The following HORMAD1 variants were observed in gnomAD, a reference collection of about 807,000 sequenced individuals.
The protein encoded by HORMAD1 is HORMA domain-containing protein 1.
Under a neutral mutation model 58.2 loss-of-function variants are expected in HORMAD1, and 33 were observed. That is an observed-to-expected ratio of 0.57 (90% CI 0.43 to 0.76). The LOEUF (loss-of-function observed/expected upper bound fraction) is 0.76. HORMAD1 is among the 30% of genes least tolerant of loss of function. The pLI, the probability that HORMAD1 is intolerant of heterozygous loss-of-function variation, is 0.00. For synonymous variants in HORMAD1, 137 were observed against 144.6 expected, an observed-to-expected ratio of 0.95 and a Z score of 0.38; for missense variants, 363 against 462.0, an observed-to-expected ratio of 0.79 and a Z score of 1.96.
At chr1:150,712,225 A>G (rs2101875640) in intron 5 of HORMAD1, among the ~76,000 whole-genome samples, 1 of 152,330 alleles carries the variant, frequency 6.6e-6, no homozygotes, top group Middle Eastern at 3.4e-3. Context: ...AGCAGAGTTC[A>G]GGGCCCTATG....
intron 5 of HORMAD1, among the ~76,000 whole-genome samples, chr1:150,712,694 G>A (rs896620019): frequency 1.3e-5 from 2 of 151,950 alleles, no homozygotes; most frequent in Non-Finnish European, 2.9e-5. Flanking sequence ...GATTACAGGC[G>A]CGCCAACACG....
chr1:150,716,574 C>T (rs72702573), intron 3 of HORMAD1, among the ~76,000 whole-genome samples: 58,491 of 151,818 alleles, frequency 0.39, 11,586 homozygotes, highest in South Asian at 0.55. Flanking sequence ...GGGAAGTGCA[C>T]AGTGCCTTAA....
intron 5 of HORMAD1, among the ~76,000 whole-genome samples, chr1:150,712,331 C>T (rs1270083555): frequency 6.6e-6 from 1 of 152,014 alleles, no homozygotes; most frequent in Non-Finnish European, 1.5e-5. Flanking sequence ...AAGAGTCATC[C>T]TTGATTCTGA....
At chr1:150,717,603 C>T (rs1021663675) in intron 2 of HORMAD1, among the ~76,000 whole-genome samples, 4 of 152,034 alleles carry the variant, frequency 2.6e-5, no homozygotes, top group African/African-American at 9.7e-5. Flanking sequence ...CTACAACCTC[C>T]ATTGGATGCA....
chr1:150,716,843 G>C (rs945165877), intron 3 of HORMAD1, among the ~76,000 whole-genome samples: 4 of 150,818 alleles, frequency 2.7e-5, no homozygotes, highest in Non-Finnish European at 5.9e-5. Context: ...GGCGCCTGTA[G>C]TCCCAGCTAC....
At chr1:150,703,282 T>C (rs1290967903) in intron 13 of HORMAD1, 28 bp downstream of exon 13, 4 of 1,226,690 alleles carry the variant, frequency 3.3e-6, no homozygotes, top group Non-Finnish European at 4.7e-6. Context: ...AAGGTTACAA[T>C]GGAAAACAAA....
intron 10 of HORMAD1, among the ~76,000 whole-genome samples, chr1:150,704,651 C>T (rs1208617725): frequency 1.3e-5 from 2 of 151,924 alleles, no homozygotes; most frequent in Non-Finnish European, 2.9e-5. Context: ...GTGAGAGGAT[C>T]GCTTGAGCCC....
chr1:150,708,835 T>C, intron 8 of HORMAD1, 59 bp downstream of exon 8: 3 of 876,400 alleles, frequency 3.4e-6, no homozygotes, highest in South Asian at 2.8e-5. Context: ...TTTAGCTATA[T>C]AGCATTAATA....
chr1:150,714,011 T>C (rs1651985680), intron 5 of HORMAD1, 74 bp downstream of exon 5: 9 of 935,574 alleles, frequency 9.6e-6, no homozygotes, highest in South Asian at 1.4e-5. Flanking sequence ...AATGTTTTAC[T>C]ACATCATAAC....
chr1:150,709,112 G>T, intron 7 of HORMAD1, 151 bp from the exon 8 acceptor site: 1 of 604,604 alleles, frequency 1.7e-6, no homozygotes. Context: ...ATTCCTCATA[G>T]TCAGTTTTCA....
chr1:150,719,718 G>A (rs1022369559), intron 1 of HORMAD1, among the ~76,000 whole-genome samples, 180 bp from the exon 2 acceptor site: 4 of 152,166 alleles, frequency 2.6e-5, no homozygotes, highest in Non-Finnish European at 5.9e-5. Context: ...GTAGGGTCCT[G>A]ATTTGAAGCC....
intron 5 of HORMAD1, among the ~76,000 whole-genome samples, chr1:150,713,553 A>G (rs928474189): frequency 1.3e-5 from 2 of 152,066 alleles, no homozygotes; most frequent in South Asian, 2.1e-4. Context: ...AAAAAATTTC[A>G]TCTTCTTCAC....
intron 10 of HORMAD1, among the ~76,000 whole-genome samples, chr1:150,706,053 G>A (rs1355623481): frequency 6.6e-6 from 1 of 152,176 alleles, no homozygotes. Flanking sequence ...CCAAGTGCTA[G>A]GCACAGGATG....
At chr1:150,717,645 A>C (rs960537841) in intron 2 of HORMAD1, among the ~76,000 whole-genome samples, 3 of 152,208 alleles carry the variant, frequency 2.0e-5, no homozygotes, top group African/African-American at 4.8e-5. Flanking sequence ...TCATTAAAAA[A>C]GTATAGGCCG....
intron 7 of HORMAD1, 107 bp downstream of exon 7, chr1:150,711,438 T>C (rs1651899031): frequency 3.6e-6 from 3 of 836,148 alleles, no homozygotes; most frequent in Admixed American, 4.2e-5. Context: ...TATGAAAGTA[T>C]ATTGATTAAA....
chr1:150,704,072 G>T (rs1279289811), intron 12 of HORMAD1, 46 bp downstream of exon 12: 2 of 1,291,030 alleles, frequency 1.5e-6, no homozygotes, highest in Non-Finnish European at 2.2e-6. Flanking sequence ...ATAAGCAACT[G>T]TCCTGTGAAC....
In HORMAD1 at chr1:150,711,588, T is replaced by C; in HGVS notation, c.301-17A>G. 6.3e-7 allele frequency: 1 copy of C among 1,581,976 alleles called. No homozygotes were observed. The highest frequency in any genetic ancestry group is 8.7e-7 in the Non-Finnish European group (1 of 1,151,612). Reference sequence around the variant, plus strand: ...TGTGTATACCTATTTAAAAACAATTTACAATTGAGTTATCTAAGGCTAAGT... The same window carrying C: ...TGTGTATACCTATTTAAAAACAATTCACAATTGAGTTATCTAAGGCTAAGT... On this transcript the variant is annotated splice_polypyrimidine_tract_variant and intron_variant, in intron 6 of 14. Transcript: ENST00000361824.
chr1:150,700,732 GAGT>G (rs1392124926), intron 13 of HORMAD1, among the ~76,000 whole-genome samples: 1 of 152,156 alleles, frequency 6.6e-6, no homozygotes, highest in East Asian at 1.9e-4. Context: ...GGACTTTTGT[GAGT>G]AACTTCCTTT....
chr1:150,707,698 G>A (rs1348779291), intron 9 of HORMAD1, among the ~76,000 whole-genome samples: 1 of 152,210 alleles, frequency 6.6e-6, no homozygotes, highest in Admixed American at 6.5e-5. Flanking sequence ...TACTTTGGGA[G>A]GCCAAAGCGG....
Sources: allele counts gnomAD v4.1 joint callset (sites outside exome capture counted in the v4.1 genomes callset), GRCh38; gene constraint gnomAD v4.1.1; transcripts MANE v1.5; gene names NCBI Gene and HGNC (gene_info 2026-07-23, HGNC 2026-07-21).